The following NRG1 variants were observed in gnomAD, a reference collection of about 807,000 sequenced individuals.
The protein encoded by NRG1 is pro-neuregulin-1, membrane-bound isoform.
In NRG1, 18 loss-of-function variants were observed where a neutral mutation model predicts 63.8. That is an observed-to-expected ratio of 0.28 (90% confidence interval 0.19 to 0.42). NRG1 has a LOEUF of 0.42. NRG1 is among the 10% of genes least tolerant of loss of function. NRG1 has a pLI of 1.00. For synonymous variants in NRG1, 302 were observed against 301.3 expected, an observed-to-expected ratio of 1.00 and a Z score of -0.02; for missense variants, 762 against 814.7, an observed-to-expected ratio of 0.94 and a Z score of 0.79.
chr8:32,553,585 T>A (rs1834552033), intron 1 of NRG1, among the ~76,000 whole-genome samples: 1 of 151,966 alleles, frequency 6.6e-6, no homozygotes. Context: ...AATGTTGAGG[T>A]TTCAAGCTAT....
At chr8:32,349,213 C>A (rs1460760863) in intron 1 of NRG1, among the ~76,000 whole-genome samples, 1 of 152,182 alleles carries the variant, frequency 6.6e-6, no homozygotes, top group Non-Finnish European at 1.5e-5. Context: ...TCCCAATGGT[C>A]TCCTTGTATG....
At chr8:32,732,782 G>A (rs1824021956) in intron 6 of NRG1, among the ~76,000 whole-genome samples, 3 of 134,726 alleles carry the variant, frequency 2.2e-5, no homozygotes, top group Admixed American at 1.5e-4. Flanking sequence ...AACAGACTGT[G>A]TTATCATGTT....
chr8:32,328,702 A>G (rs1802291723), intron 1 of NRG1, among the ~76,000 whole-genome samples: 1 of 152,150 alleles, frequency 6.6e-6, no homozygotes, highest in Admixed American at 6.5e-5. Context: ...CAGTGTTCTT[A>G]GAGAGTGGGT....
chr8:31,731,769 T>C (rs1415036723), intron 1 of NRG1, among the ~76,000 whole-genome samples: 1 of 152,198 alleles, frequency 6.6e-6, no homozygotes, highest in African/African-American at 2.4e-5. Context: ...TATATCAATA[T>C]GCAATTGCAA....
chr8:31,950,468 T>G (rs1349991043), intron 1 of NRG1, among the ~76,000 whole-genome samples: 1 of 152,182 alleles, frequency 6.6e-6, no homozygotes, highest in East Asian at 1.9e-4. Flanking sequence ...CTTCAGCCAT[T>G]TCTCTCCAGA....
At chr8:31,660,406 C>T (rs1387400120) in intron 1 of NRG1, among the ~76,000 whole-genome samples, 1 of 152,216 alleles carries the variant, frequency 6.6e-6, no homozygotes, top group Non-Finnish European at 1.5e-5. Flanking sequence ...ACTGATTTGA[C>T]ATAGTACTTT....
intron 1 of NRG1, among the ~76,000 whole-genome samples, chr8:32,207,607 A>G (rs538308703): frequency 1.3e-5 from 2 of 152,310 alleles, no homozygotes; most frequent in East Asian, 3.9e-4. Context: ...GATTAAATCT[A>G]GCAAAACTAT....
chr8:32,173,821 G>C (rs1287191999), intron 1 of NRG1, among the ~76,000 whole-genome samples: 1 of 152,066 alleles, frequency 6.6e-6, no homozygotes, highest in African/African-American at 2.4e-5. Context: ...CCCAATACAG[G>C]AGCACCCAGA....
intron 1 of NRG1, among the ~76,000 whole-genome samples, chr8:32,324,430 A>C (rs932673044): frequency 1.3e-5 from 2 of 152,144 alleles, no homozygotes. Flanking sequence ...GCTTTTGAGT[A>C]CCGGGAATTC....
chr8:31,650,302 T>C (rs1804706094), intron 1 of NRG1, among the ~76,000 whole-genome samples: 1 of 152,184 alleles, frequency 6.6e-6, no homozygotes, highest in Admixed American at 6.5e-5. Context: ...TCTTAGGCCT[T>C]GTTCCCTACT....
intron 1 of NRG1, among the ~76,000 whole-genome samples, chr8:32,100,188 AAAAAC>A (rs984380750): frequency 1.3e-4 from 19 of 151,996 alleles, no homozygotes; most frequent in African/African-American, 3.9e-4. Flanking sequence ...TAAAGTCTTA[AAAAAC>A]AAAACAAAAC....
In NRG1 at chr8:32,764,103, G is replaced by A. The variant is rs776391266; in HGVS notation, c.1615G>A (p.Ala539Thr). The A allele has an allele frequency of 1.1e-5, 17 of 1,613,906 alleles. No individual in the cohort carries two copies. In the East Asian group the frequency reaches 1.1e-4, roughly 11 times the overall value. The change falls in exon 12 of 12, where the codon GCC (alanine) becomes ACC (threonine). Residue 539 changes from alanine (A) to threonine (T), a missense_variant. Around this residue, in one of 3 missense-constraint regions of NRG1, gnomAD observed 503 missense variants for 506.8 expected, o/e 0.99. Coordinates refer to ENST00000356819, the Ensembl canonical transcript of NRG1. ...AGCCCAAGAGCCTGTTAAGAAACTCGCCAATAGCCGGCGGGCCAAAAGAAC... is the reference window on the plus strand; with the variant it reads ...AGCCCAAGAGCCTGTTAAGAAACTCACCAATAGCCGGCGGGCCAAAAGAAC...
At chr8:31,710,900 A>T (rs973156352) in intron 1 of NRG1, among the ~76,000 whole-genome samples, 1 of 152,062 alleles carries the variant, frequency 6.6e-6, no homozygotes, top group Non-Finnish European at 1.5e-5. Context: ...GTTCTTTAAC[A>T]GTCTTTCATT....
intron 1 of NRG1, among the ~76,000 whole-genome samples, chr8:32,166,624 G>A (rs1839431715): frequency 6.6e-6 from 1 of 152,192 alleles, no homozygotes; most frequent in Non-Finnish European, 1.5e-5. Flanking sequence ...AGAATCTACA[G>A]TTGAGGGAGA....
At chr8:32,250,736 TC>T (rs1849012301) in intron 1 of NRG1, among the ~76,000 whole-genome samples, 1 of 80,348 alleles carries the variant, frequency 1.2e-5, no homozygotes, top group African/African-American at 5.6e-5. Flanking sequence ...TGCCTTCTGG[TC>T]TTTTTTTTCA....
At chr8:32,009,876 C>G (rs929885245) in intron 1 of NRG1, among the ~76,000 whole-genome samples, 8 of 151,788 alleles carry the variant, frequency 5.3e-5, no homozygotes, top group Admixed American at 6.6e-5. Flanking sequence ...TCTCTCCCCC[C>G]AGCCCTCCCA....
intron 1 of NRG1, among the ~76,000 whole-genome samples, chr8:32,262,321 T>C (rs1850469623): frequency 6.6e-6 from 1 of 152,166 alleles, no homozygotes; most frequent in Admixed American, 6.5e-5. Flanking sequence ...TAAATAGTTC[T>C]TTGATGTATA....
intron 1 of NRG1, among the ~76,000 whole-genome samples, chr8:32,485,478 T>A (rs151276605): frequency 6.6e-6 from 1 of 152,324 alleles, no homozygotes; most frequent in Admixed American, 6.5e-5. Context: ...TCCTTAATTG[T>A]TTACATATCT....
chr8:32,704,556 CTGT>C (rs1245394039), intron 5 of NRG1, among the ~76,000 whole-genome samples: 1 of 152,136 alleles, frequency 6.6e-6, no homozygotes, highest in East Asian at 1.9e-4. Context: ...AGTTAAAAAT[CTGT>C]ATGAAAAAGC....
Sources: gnomAD v4.1 joint callset for allele counts (sites outside exome capture counted in the v4.1 genomes callset) on GRCh38, gnomAD v4.1.1 for gene constraint, gnomAD v4.1.1 regional missense constraint, MANE v1.5 for transcripts, NCBI Gene and HGNC (gene_info 2026-07-23, HGNC 2026-07-21) for gene names.